The following ATRN variants were observed in gnomAD, a reference collection of about 807,000 sequenced individuals.
ATRN encodes the protein attractin.
In ATRN, 54 loss-of-function variants were observed where a neutral mutation model predicts 178.7. The ratio of observed to expected loss-of-function variants is 0.30; its 90% CI spans 0.24 to 0.38. The LOEUF (loss-of-function observed/expected upper bound fraction) is 0.38. Among genes scored for constraint, ATRN ranks in the 10% least tolerant of loss-of-function variants. The pLI, the probability that ATRN is intolerant of heterozygous loss-of-function variation, is 1.00. For missense variants in ATRN, 1,443 were observed against 1,815.1 expected (o/e 0.79, Z 3.73); for synonymous variants, 636 against 663.0 (o/e 0.96, Z 0.63).
chr20:3,592,056 A>C (rs1001026767), intron 19 of ATRN, among the ~76,000 whole-genome samples: 1 of 152,216 alleles, frequency 6.6e-6, no homozygotes, highest in Non-Finnish European at 1.5e-5. Flanking sequence ...CGGGCTTTTT[A>C]ACCAGGAGCC....
intron 25 of ATRN, chr20:3,628,964 G>A: frequency 1.0e-6 from 1 of 985,258 alleles, no homozygotes; most frequent in African/African-American, 1.7e-5. Flanking sequence ...CCCATCTGCA[G>A]CACGACATGC....
intron 1 of ATRN, among the ~76,000 whole-genome samples, chr20:3,487,120 G>T (rs1321520436): frequency 2.0e-5 from 3 of 152,102 alleles, no homozygotes; most frequent in African/African-American, 7.2e-5. Context: ...TTCATTTTCA[G>T]TGACTGTATT....
intron 2 of ATRN, among the ~76,000 whole-genome samples, chr20:3,539,054 AT>A (rs1334542890): frequency 1.3e-5 from 2 of 152,068 alleles, no homozygotes; most frequent in Non-Finnish European, 2.9e-5. Context: ...CCTTCTTTTA[AT>A]TTCTTCACAG....
At chr20:3,510,166 G>A (rs1365391299) in intron 1 of ATRN, among the ~76,000 whole-genome samples, 1 of 152,182 alleles carries the variant, frequency 6.6e-6, no homozygotes, top group African/African-American at 2.4e-5. Context: ...CATTCTGTCA[G>A]TTGACCTGCA....
intron 24 of ATRN, among the ~76,000 whole-genome samples, chr20:3,608,893 G>A (rs540259196): frequency 1.1e-4 from 16 of 151,806 alleles, no homozygotes; most frequent in Admixed American, 2.6e-4. Flanking sequence ...CTTGAACCCG[G>A]GAGGAGGAGG....
chr20:3,489,549 T>C (rs2084752629), intron 1 of ATRN: 1 of 1,478,886 alleles, frequency 6.8e-7, no homozygotes, highest in South Asian at 1.1e-5. Context: ...CCTTGTCTTT[T>C]CAGATCCTCA....
intron 3 of ATRN, among the ~76,000 whole-genome samples, chr20:3,541,164 G>A (rs113210383): frequency 0.15 from 22,113 of 147,450 alleles, 2,012 homozygotes; most frequent in Non-Finnish European, 0.21. Flanking sequence ...TGCAAGCTCC[G>A]CCTCCCGGGT....
intron 19 of ATRN, among the ~76,000 whole-genome samples, chr20:3,591,670 C>A (rs2086444637): frequency 6.6e-6 from 1 of 152,094 alleles, no homozygotes; most frequent in Admixed American, 6.6e-5. Flanking sequence ...GCTCATCTCA[C>A]TGAGGCCCGG....
At chr20:3,568,389 T>A (rs1167666951) in intron 11 of ATRN, among the ~76,000 whole-genome samples, 5 of 151,960 alleles carry the variant, frequency 3.3e-5, no homozygotes, top group Non-Finnish European at 7.4e-5. Context: ...GGCTCATGCC[T>A]GTTATCCCAG....
intron 1 of ATRN, among the ~76,000 whole-genome samples, chr20:3,530,268 G>GT (rs1365326333): frequency 6.8e-6 from 1 of 147,300 alleles, no homozygotes; most frequent in Non-Finnish European, 1.5e-5. Context: ...ATATATATAT[G>GT]TTTTTTTCTT....
Position 3,512,098 on chromosome 20 carries a change from TA to T in ATRN, c.411-23154del, listed in dbSNP as rs1568697779. Among the ~76,000 whole-genome samples, 24 of 127,126 alleles carry T rather than the reference TA, an allele frequency of 1.9e-4. 1 individual carries two copies. The highest frequency in any genetic ancestry group is 5.3e-4 in the Admixed American group (7 of 13,292). 83.4% of individuals were successfully genotyped at this position (127,126 alleles called of 152,430 possible). Reference sequence around the variant, plus strand: ...TTCTTTTTTCTTTTATATATATATATATATATATATTTTTTTTTTTTATTAT... The same window carrying T: ...TTCTTTTTTCTTTTATATATATATATTATATATATTTTTTTTTTTTATTAT... On this transcript the variant is annotated intron_variant, in intron 1 of 28. Coordinates refer to ENST00000262919, the MANE Select transcript of ATRN (RefSeq NM_139321.3).
intron 11 of ATRN, 26 bp downstream of exon 11, chr20:3,565,458 T>C (rs1227181726): frequency 1.3e-6 from 2 of 1,586,166 alleles, no homozygotes; most frequent in Admixed American, 3.3e-5. Context: ...ATTGCTCCTT[T>C]TCTTTTGTGT....
intron 9 of ATRN, 152 bp from the exon 10 acceptor site, chr20:3,563,057 G>T: frequency 1.6e-6 from 1 of 641,248 alleles, no homozygotes; most frequent in South Asian, 3.3e-5. Context: ...TGTATTTATT[G>T]TTGAAAAACT....
At chr20:3,621,863 GA>G (rs11087593) in intron 24 of ATRN, among the ~76,000 whole-genome samples, 2,155 of 151,322 alleles carry the variant, frequency 0.014, 48 homozygotes, top group African/African-American at 0.049. Context: ...GTTCATAAAA[GA>G]AAAAAAAATC....
rs190915037 is a variant in ATRN, at chr20:3,511,090, T to G, written c.411-24163T>G. 1.2e-3 allele frequency among the ~76,000 whole-genome samples: 187 copies of G among 152,264 alleles called. 2 individuals are homozygous for G. Among genetic ancestry groups the G allele is most frequent in the African/African-American group, 4.4e-3 (183 of 41,542 alleles). On this transcript the variant is annotated intron_variant, in intron 1 of 28. Transcript: ENST00000262919. ...CGATGAAAGTATTATCTGTCAAACCTTTGAGATACAGCTAATGGCATTCTG... is the reference window on the plus strand; with the variant it reads ...CGATGAAAGTATTATCTGTCAAACCGTTGAGATACAGCTAATGGCATTCTG...
intron 1 of ATRN, among the ~76,000 whole-genome samples, chr20:3,534,749 G>A (rs1351665572): frequency 6.6e-6 from 1 of 152,154 alleles, no homozygotes; most frequent in African/African-American, 2.4e-5. Flanking sequence ...TAGGAGGATT[G>A]CTTGAGGCCA....
At chr20:3,610,885 T>C (rs2086754767) in intron 24 of ATRN, among the ~76,000 whole-genome samples, 1 of 151,750 alleles carries the variant, frequency 6.6e-6, no homozygotes, top group African/African-American at 2.4e-5. Flanking sequence ...CATGAGCCGT[T>C]GCGCCCAGCC....
Position 3,519,006 on chromosome 20 carries a change from T to TATAAAAAAAAAAAAA in ATRN, c.411-16246_411-16245insTAAAAAAAAAAAAAA, listed in dbSNP as rs770584938. Among the ~76,000 whole-genome samples the TATAAAAAAAAAAAAA allele has an allele frequency of 1.2e-3, 143 of 119,272 alleles. 2 individuals are homozygous for TATAAAAAAAAAAAAA. Among genetic ancestry groups the TATAAAAAAAAAAAAA allele is most frequent in the Non-Finnish European group, 1.4e-3 (84 of 58,034 alleles). The allele number at this position is 119,272 out of a possible 152,430, so 78.2% of individuals were successfully genotyped here. Reference sequence around the variant, plus strand: ...GTGCTTCAATAAACATCCTTATATATAAAAAAAAAAAAAAGAAAGAAAACT... The same window carrying TATAAAAAAAAAAAAA: ...GTGCTTCAATAAACATCCTTATATATATAAAAAAAAAAAAAAAAAAAAAAAAAAAGAAAGAAAACT... On this transcript the variant is annotated intron_variant, in intron 1 of 28. Coordinates refer to ENST00000262919, the MANE Select transcript of ATRN (RefSeq NM_139321.3).
chr20:3,501,122 GT>G (rs2084958569), intron 1 of ATRN, among the ~76,000 whole-genome samples: 2 of 152,182 alleles, frequency 1.3e-5, no homozygotes, highest in Non-Finnish European at 2.9e-5. Context: ...TATTGGTATT[GT>G]TCTGGAAGCA....
Sources: gnomAD v4.1 joint callset for allele counts (sites outside exome capture counted in the v4.1 genomes callset) on GRCh38, gnomAD v4.1.1 for gene constraint, MANE v1.5 for transcripts, NCBI Gene and HGNC (gene_info 2026-07-23, HGNC 2026-07-21) for gene names.